The following ARAP1 variants were observed in gnomAD, a reference collection of about 807,000 sequenced individuals.
ARAP1 encodes arf-GAP with Rho-GAP domain, ANK repeat and PH domain-containing protein 1.
In ARAP1, 76 loss-of-function variants were observed where a neutral mutation model predicts 172.2. That is an observed-to-expected ratio of 0.44 (90% confidence interval 0.37 to 0.53). The LOEUF is 0.53. ARAP1 is among the 20% of genes least tolerant of loss of function. ARAP1 has a pLI of 0.00. For missense variants in ARAP1, 1,686 were observed against 1,977.5 expected (o/e 0.85, Z 2.80); for synonymous variants, 804 against 803.3 (o/e 1.00, Z -0.01).
Position 72,709,884 on chromosome 11 carries a change from G to A in ARAP1, c.1509C>T (p.Pro503=). The change falls in exon 11 of 35, where the codon CCC becomes CCT. Residue 503 remains proline, a synonymous_variant. Transcript: ENST00000393609. ...VDRRSFDLTT[P]YRIFSFSADS... ...TGGAGGGTCACCTGAAGATGCGGTAGGGCGTGGTGAGGTCGAAGCTGCGCC... is the reference window on the plus strand; with the variant it reads ...TGGAGGGTCACCTGAAGATGCGGTAAGGCGTGGTGAGGTCGAAGCTGCGCC... 1.2e-6 allele frequency: 2 copies of A among 1,614,188 alleles called. No individual in the cohort carries two copies. The highest frequency in any genetic ancestry group is 1.7e-6 in the Non-Finnish European group (2 of 1,180,008).
chr11:72,707,130 A>G (rs181661547), intron 12 of ARAP1, 45 bp downstream of exon 12: 3 of 1,495,074 alleles, frequency 2.0e-6, no homozygotes, highest in African/African-American at 2.8e-5. Context: ...CAACTGGCCA[A>G]CCCCGCCATG....
intron 4 of ARAP1, 117 bp from the exon 5 acceptor site, chr11:72,713,360 C>T: frequency 1.1e-6 from 1 of 938,832 alleles, no homozygotes; most frequent in African/African-American, 1.6e-5. Flanking sequence ...CCACCTCCCC[C>T]TGGCTTTCAA....
chr11:72,688,368 A>C, intron 31 of ARAP1, 87 bp downstream of exon 31: 1 of 1,279,060 alleles, frequency 7.8e-7, no homozygotes, highest in Non-Finnish European at 1.1e-6. Context: ...ATCTCTGTCA[A>C]ATTAAAAACC....
chr11:72,742,943 G>A (rs1025465000), intron 1 of ARAP1, among the ~76,000 whole-genome samples: 11 of 152,244 alleles, frequency 7.2e-5, no homozygotes, highest in South Asian at 2.1e-4. Context: ...GCTGGGTCCC[G>A]AGCTCCTTCT....
At chr11:72,749,087 G>A (rs1858458139) in intron 1 of ARAP1, among the ~76,000 whole-genome samples, 1 of 152,218 alleles carries the variant, frequency 6.6e-6, no homozygotes, top group South Asian at 2.1e-4. Flanking sequence ...AGCTGCCCGA[G>A]GGACTGGACT....
Position 72,693,859 on chromosome 11 carries a change from A to C in ARAP1, c.3695-54T>G. The C allele has an allele frequency of 6.9e-7, 1 of 1,442,726 alleles. No individual in the cohort carries two copies. The highest frequency in any genetic ancestry group is 9.4e-7 in the Non-Finnish European group (1 of 1,063,942). The allele number at this position is 1,442,726 out of a possible 1,614,324, so 89.4% of individuals were successfully genotyped here. ...GGGACCACATGGCCCGATACCACCA[A>C]AGGCTGGCAGATGGGCACATATCAC... On this transcript the variant is annotated intron_variant, in intron 27 of 34. Transcript: ENST00000393609. This position sits in a 1 kb window ranked among gnomAD's most constrained non-coding sequence, Gnocchi z 4.6.
intron 2 of ARAP1, 39 bp from the exon 3 acceptor site, chr11:72,727,211 G>A: frequency 6.9e-7 from 1 of 1,443,360 alleles, no homozygotes; most frequent in South Asian, 1.4e-5. Context: ...AGGCAGGGCT[G>A]CCGAGGATTG....
In ARAP1 at chr11:72,710,092, G is replaced by A. The variant is rs1359510540; in HGVS notation, c.1417-116C>T. The stretch of plus-strand genomic sequence containing the variant: ...CAGGGACTGGGGGGGGTGCCCAGGA[G>A]GGAGACAGCAGGGGACATGGGAGGC... On this transcript the variant is annotated intron_variant, in intron 10 of 34. Coordinates refer to ENST00000393609, the MANE Select transcript of ARAP1 (RefSeq NM_001040118.3). The surrounding 1 kb of genome is among the most constrained non-coding windows in gnomAD (Gnocchi z 4.3). The A allele has an allele frequency of 2.1e-6, 2 of 964,962 alleles. No homozygotes were observed. The highest frequency in any genetic ancestry group is 5.0e-5 in the East Asian group (2 of 40,266). 59.8% of individuals were successfully genotyped at this position (964,962 alleles called of 1,614,324 possible).
At chr11:72,719,696 G>A (rs543222415) in intron 3 of ARAP1, among the ~76,000 whole-genome samples, 7 of 152,138 alleles carry the variant, frequency 4.6e-5, no homozygotes, top group Admixed American at 1.3e-4. Context: ...ATCTCTGGCC[G>A]AAAGAACCAG....
At chr11:72,736,239 CTTTT>C (rs61233618) in intron 1 of ARAP1, among the ~76,000 whole-genome samples, 2 of 132,362 alleles carry the variant, frequency 1.5e-5, no homozygotes, top group African/African-American at 2.8e-5. Context: ...TTTTAGTTAC[CTTTT>C]TTTTTTTTTT....
intron 1 of ARAP1, among the ~76,000 whole-genome samples, chr11:72,744,625 CA>C (rs1182083496): frequency 6.6e-6 from 1 of 152,240 alleles, no homozygotes; most frequent in African/African-American, 2.4e-5. Context: ...GACCATGACT[CA>C]GACCTTGGCC....
intron 1 of ARAP1, among the ~76,000 whole-genome samples, chr11:72,747,102 G>A (rs1399802623): frequency 6.6e-6 from 1 of 152,208 alleles, no homozygotes; most frequent in Non-Finnish European, 1.5e-5. Flanking sequence ...AGGAGGCAGG[G>A]CCAGCCCAAG....
At chr11:72,749,588 A>G (rs899543577) in intron 1 of ARAP1, among the ~76,000 whole-genome samples, 4 of 152,124 alleles carry the variant, frequency 2.6e-5, no homozygotes, top group Non-Finnish European at 4.4e-5. Flanking sequence ...TCAACAAAGA[A>G]TGTTCCCTCT....
chr11:72,702,680 C>A (rs977521825), intron 15 of ARAP1, among the ~76,000 whole-genome samples: 5 of 152,188 alleles, frequency 3.3e-5, no homozygotes, highest in Non-Finnish European at 7.4e-5. Context: ...GGGGCCCACA[C>A]TGCAAGTCAG....
chr11:72,695,920 C>T lies in ARAP1; in HGVS notation c.3273-55G>A, dbSNP rs1005995339. The T allele has an allele frequency of 1.3e-6, 2 of 1,559,366 alleles. No homozygotes were observed. The highest frequency in any genetic ancestry group is 2.7e-5 in the African/African-American group (2 of 73,986). Reference sequence around the variant, plus strand: ...GAGGAGTCAGGCCAGAGCTTCCCATCTCACCCTATTAATTTCTGACAGGTC... The same window carrying T: ...GAGGAGTCAGGCCAGAGCTTCCCATTTCACCCTATTAATTTCTGACAGGTC... On this transcript the variant is annotated intron_variant, in intron 23 of 34. Coordinates refer to ENST00000393609, the MANE Select transcript of ARAP1 (RefSeq NM_001040118.3). This position sits in a 1 kb window ranked among gnomAD's most constrained non-coding sequence, Gnocchi z 4.4.
rs1400399793 is a variant in ARAP1 at position 72,693,196 on chromosome 11, T to TC, written c.3954+128dup. Reference sequence around the variant, plus strand: ...GAGGGGTCTTGAGAGTCTACAGTTCTCCCCCACTGCTGTGCCATCCTGAGA... The same window carrying TC: ...GAGGGGTCTTGAGAGTCTACAGTTCTCCCCCCACTGCTGTGCCATCCTGAGA... On this transcript the variant is annotated intron_variant, in intron 29 of 34. Transcript: ENST00000393609. The surrounding 1 kb of genome is among the most constrained non-coding windows in gnomAD (Gnocchi z 4.6). The TC allele has an allele frequency of 4.4e-6, 6 of 1,359,780 alleles. No individual in the cohort carries two copies. In the East Asian group the frequency reaches 1.5e-4, roughly 33 times the overall value. The allele number at this position is 1,359,780 out of a possible 1,614,324, so 84.2% of individuals were successfully genotyped here. A position where few individuals can be genotyped will look rare whatever the true frequency, so the allele number is the denominator to read the frequency against.
chr11:72,747,078 C>A (rs1277229167), intron 1 of ARAP1, among the ~76,000 whole-genome samples: 1 of 152,238 alleles, frequency 6.6e-6, no homozygotes, highest in Non-Finnish European at 1.5e-5. Context: ...CACCCCAGCA[C>A]TGGCCTGGCC....
chr11:72,736,649 A>T (rs1474337068), intron 1 of ARAP1, among the ~76,000 whole-genome samples: 1 of 151,860 alleles, frequency 6.6e-6, no homozygotes, highest in Admixed American at 6.6e-5. Flanking sequence ...ATCAGACTTC[A>T]GCACCCCCAC....
Position 72,685,497 on chromosome 11 carries a change from C to T in ARAP1, c.*167G>A. ...CCAGGCTGACCCCTGCTGCCTCCCACCCCTGCCGGGGAACCCCATGCTGCA... is the reference window on the plus strand; with the variant it reads ...CCAGGCTGACCCCTGCTGCCTCCCATCCCTGCCGGGGAACCCCATGCTGCA... On this transcript the variant is annotated 3_prime_UTR_variant, in exon 35 of 35. Transcript: ENST00000393609. 1 of 972,786 alleles carries T rather than the reference C, an allele frequency of 1.0e-6. No individual in the cohort carries two copies. The highest frequency in any genetic ancestry group is 2.5e-5 in the East Asian group (1 of 39,692). 60.3% of individuals were successfully genotyped at this position (972,786 alleles called of 1,614,324 possible). A position where few individuals can be genotyped will look rare whatever the true frequency, so the allele number is the denominator to read the frequency against.
Sources: allele counts gnomAD v4.1 joint callset (sites outside exome capture counted in the v4.1 genomes callset), GRCh38; gene constraint gnomAD v4.1.1; non-coding constraint Gnocchi (gnomAD v3.1); transcripts MANE v1.5; gene names NCBI Gene and HGNC (gene_info 2026-07-23, HGNC 2026-07-21).